The following TMEM117 variants were observed in gnomAD, a reference collection of about 807,000 sequenced individuals.
TMEM117 encodes transmembrane protein 117.
TMEM117 carries 27 observed loss-of-function variants against 52.4 expected under a neutral mutation model. The ratio of observed to expected loss-of-function variants is 0.51; its 90% confidence interval spans 0.38 to 0.71. The LOEUF is 0.71. Among genes scored for constraint, TMEM117 ranks in the 30% least tolerant of loss-of-function variants. The probability of loss-of-function intolerance (pLI) is 0.00; values close to 1 mark genes in which losing one functional copy is unlikely to be tolerated. For missense variants in TMEM117, 556 were observed against 630.5 expected, an observed-to-expected ratio of 0.88 and a Z score of 1.26; for synonymous variants, 215 against 206.3, an observed-to-expected ratio of 1.04 and a Z score of -0.36.
At chr12:44,192,298 T>C (rs1026599530) in intron 4 of TMEM117, among the ~76,000 whole-genome samples, 2 of 152,202 alleles carry the variant, frequency 1.3e-5, no homozygotes, top group African/African-American at 4.8e-5. Context: ...CTGTTCTGAT[T>C]GCACTGCCTT....
chr12:43,951,295 C>T (rs549358699), intron 3 of TMEM117, among the ~76,000 whole-genome samples: 4 of 152,322 alleles, frequency 2.6e-5, no homozygotes, highest in African/African-American at 7.2e-5. Flanking sequence ...GAGACGCAAG[C>T]GTCCACTCCT....
At chr12:44,268,727 A>G (rs1417078473) in intron 5 of TMEM117, among the ~76,000 whole-genome samples, 2 of 152,128 alleles carry the variant, frequency 1.3e-5, no homozygotes, top group Non-Finnish European at 1.5e-5. Context: ...TGTGGTTTAA[A>G]TTTTAATTTC....
rs141061859 is a variant in TMEM117, at chr12:44,162,287, A to G, written c.510+18663A>G. On this transcript the variant is annotated intron_variant, in intron 4 of 7. Transcript: ENST00000266534. ...TGTCCCTTCTTTAGGCCCTCATGCA[A>G]AGTTTGGGGTGGGTGTCACTTCTTG... Among the ~76,000 whole-genome samples, 93 of 152,170 alleles carry G rather than the reference A, an allele frequency of 6.1e-4. 1 individual carries two copies. Among genetic ancestry groups the G allele is most frequent in the African/African-American group, 2.2e-3 (90 of 41,538 alleles).
Position 44,389,511 on chromosome 12 carries a change from G to T in TMEM117, c.*839G>T, listed in dbSNP as rs1451726875. 1 of 152,442 alleles carries T rather than the reference G, an allele frequency of 6.6e-6. No homozygotes were observed. Among genetic ancestry groups the T allele is most frequent in the African/African-American group, 2.4e-5 (1 of 41,398 alleles). 9.4% of individuals were successfully genotyped at this position (152,442 alleles called of 1,614,324 possible). ...GAACTGAAGTTTTCATCATATGAGA[G>T]CAGCACATCCCACCATTTACAATAT... On this transcript the variant is annotated 3_prime_UTR_variant, in exon 8 of 8. Transcript: ENST00000266534.
chr12:44,080,354 A>G (rs1358691928), intron 3 of TMEM117, among the ~76,000 whole-genome samples: 1 of 152,262 alleles, frequency 6.6e-6, no homozygotes, highest in Middle Eastern at 3.4e-3. Flanking sequence ...AAAGAACCTT[A>G]TAAAATCATC....
chr12:44,120,669 T>C (rs1326904513), intron 3 of TMEM117, among the ~76,000 whole-genome samples: 3 of 152,202 alleles, frequency 2.0e-5, no homozygotes, highest in Non-Finnish European at 2.9e-5. Context: ...TTTGACTTTT[T>C]CTGTTGGCTG....
At chr12:44,277,784 G>A (rs1354758873) in intron 5 of TMEM117, among the ~76,000 whole-genome samples, 1 of 26,914 alleles carries the variant, frequency 3.7e-5, no homozygotes, top group African/African-American at 1.7e-4. Flanking sequence ...TTTTTTTTTT[G>A]ACAGAGTCCC....
intron 3 of TMEM117, among the ~76,000 whole-genome samples, chr12:44,042,761 TACACACACACACACACACACACACAC>T (rs61350418): frequency 7.6e-6 from 1 of 132,074 alleles, no homozygotes; most frequent in African/African-American, 2.8e-5. Flanking sequence ...CTTAATAAAC[TACACACACACACACACACACACACAC>T]ACACACACAC....
At chr12:44,087,320 T>G (rs1029523583) in intron 3 of TMEM117, among the ~76,000 whole-genome samples, 1 of 152,142 alleles carries the variant, frequency 6.6e-6, no homozygotes, top group Non-Finnish European at 1.5e-5. Flanking sequence ...GTGTGTTGGA[T>G]TTTTCTTGTG....
chr12:44,370,417 G>A lies in TMEM117; in HGVS notation c.769-6178G>A, dbSNP rs561560054. ...TAATTAATGTAAGATGATGTATAAC[G>A]TTTATTTACAAAAACAAGTATTTAT... On this transcript the variant is annotated intron_variant, in intron 6 of 7. Coordinates refer to ENST00000266534, the MANE Select transcript of TMEM117 (RefSeq NM_032256.3). Among the ~76,000 whole-genome samples the A allele has an allele frequency of 1.6e-3, 245 of 150,534 alleles. 3 individuals are homozygous for A. Among genetic ancestry groups the A allele is most frequent in the African/African-American group, 5.4e-3 (222 of 40,958 alleles).
At chr12:44,020,827 A>G (rs1946444950) in intron 3 of TMEM117, among the ~76,000 whole-genome samples, 3 of 152,338 alleles carry the variant, frequency 2.0e-5, no homozygotes, top group South Asian at 4.1e-4. Context: ...GCTACAATAC[A>G]TAGAAATGGC....
intron 5 of TMEM117, among the ~76,000 whole-genome samples, chr12:44,284,107 G>A (rs1950609961): frequency 6.6e-6 from 1 of 152,202 alleles, no homozygotes; most frequent in Non-Finnish European, 1.5e-5. Flanking sequence ...GAGGTCAAGA[G>A]ATGGAGACCA....
intron 2 of TMEM117, among the ~76,000 whole-genome samples, chr12:43,857,242 G>A (rs1943416254): frequency 6.6e-6 from 1 of 151,772 alleles, no homozygotes; most frequent in African/African-American, 2.4e-5. Context: ...GATACCTCAA[G>A]GACTTAATAA....
chr12:44,123,372 C>T (rs1303081479), intron 3 of TMEM117, among the ~76,000 whole-genome samples: 1 of 152,028 alleles, frequency 6.6e-6, no homozygotes, highest in Non-Finnish European at 1.5e-5. Context: ...ATGATCATTT[C>T]CTTTGCGGTG....
intron 3 of TMEM117, among the ~76,000 whole-genome samples, chr12:44,007,288 T>C (rs1946214013): frequency 6.6e-6 from 1 of 152,216 alleles, no homozygotes; most frequent in Non-Finnish European, 1.5e-5. Flanking sequence ...TTCTTGATGA[T>C]GCTCCTTTTT....
At chr12:43,932,426 C>T (rs1944886732) in intron 2 of TMEM117, among the ~76,000 whole-genome samples, 1 of 150,720 alleles carries the variant, frequency 6.6e-6, no homozygotes, top group Non-Finnish European at 1.5e-5. Flanking sequence ...GTGATTCCTG[C>T]ATCCTGTTCT....
chr12:43,923,952 G>A (rs926905912), intron 2 of TMEM117, among the ~76,000 whole-genome samples: 1 of 152,066 alleles, frequency 6.6e-6, no homozygotes, highest in Admixed American at 6.6e-5. Context: ...ATTAAATATT[G>A]TTATGACCAT....
intron 6 of TMEM117, among the ~76,000 whole-genome samples, chr12:44,366,633 A>G (rs901183048): frequency 3.3e-5 from 5 of 152,146 alleles, no homozygotes; most frequent in African/African-American, 7.2e-5. Context: ...AAAGCCTGCC[A>G]GTTCAAATCC....
Position 43,968,237 on chromosome 12 carries a change from C to T in TMEM117, c.410+23895C>T, listed in dbSNP as rs557563571. Reference sequence around the variant, plus strand: ...AAAATGTAGAGAACACCTTCAGTGACATTTCTAACAACATCCTTACCGTAA... The same window carrying T: ...AAAATGTAGAGAACACCTTCAGTGATATTTCTAACAACATCCTTACCGTAA... On this transcript the variant is annotated intron_variant, in intron 3 of 7. Transcript: ENST00000266534. Among the ~76,000 whole-genome samples, 34 of 152,224 alleles carry T rather than the reference C, an allele frequency of 2.2e-4. No homozygotes were observed. The South Asian group carries it at 6.6e-3, about 30-fold the overall frequency.
Sources: allele counts gnomAD v4.1 joint callset (sites outside exome capture counted in the v4.1 genomes callset), GRCh38; gene constraint gnomAD v4.1.1; transcripts MANE v1.5; gene names NCBI Gene and HGNC (gene_info 2026-07-23, HGNC 2026-07-21).